The following DISC1 variants were observed in gnomAD, a reference collection of about 807,000 sequenced individuals.
The protein encoded by DISC1 is DISC1 scaffold protein.
A neutral mutation model predicts 84.5 loss-of-function variants in DISC1; 57 were observed. The ratio of observed to expected loss-of-function variants is 0.67; its 90% confidence interval spans 0.55 to 0.84. The LOEUF (loss-of-function observed/expected upper bound fraction) is 0.84. Among genes scored for constraint, DISC1 ranks in the 40% least tolerant of loss-of-function variants. The pLI is 0.00. For missense variants in DISC1, 1,000 were observed against 1,057.8 expected (o/e 0.95, Z 0.76); for synonymous variants, 411 against 415.2 (o/e 0.99, Z 0.12).
intron 11 of DISC1, among the ~76,000 whole-genome samples, chr1:232,019,824 C>T (rs563026222): frequency 2.0e-5 from 3 of 152,206 alleles, no homozygotes; most frequent in African/African-American, 7.2e-5. Flanking sequence ...GATGAGAGGT[C>T]CTGTGCCCAT....
chr1:231,844,501 A>G (rs1023831894), intron 9 of DISC1, among the ~76,000 whole-genome samples: 7 of 152,104 alleles, frequency 4.6e-5, no homozygotes, highest in Non-Finnish European at 1.0e-4. Context: ...GCTTGGTTTT[A>G]TACATTTTAG....
At chr1:231,853,226 G>A (rs2084022230) in intron 9 of DISC1, among the ~76,000 whole-genome samples, 1 of 152,160 alleles carries the variant, frequency 6.6e-6, no homozygotes, top group South Asian at 2.1e-4. Flanking sequence ...AATAATATTT[G>A]TAGAAACAAA....
chr1:231,985,375 C>T (rs1314251191), intron 10 of DISC1, among the ~76,000 whole-genome samples: 6 of 150,982 alleles, frequency 4.0e-5, no homozygotes, highest in Admixed American at 4.0e-4. Context: ...TAAAGTAGTA[C>T]CCCCTTCAGT....
intron 7 of DISC1, among the ~76,000 whole-genome samples, chr1:231,798,113 C>CCATACACACACACA (rs1553353424): frequency 6.8e-6 from 1 of 147,074 alleles, no homozygotes; most frequent in Non-Finnish European, 1.5e-5. Context: ...GTTAGACACA[C>CCATACACACACACA]CACACACACA....
chr1:231,642,029 C>T (rs992087729), intron 1 of DISC1, among the ~76,000 whole-genome samples: 2 of 152,156 alleles, frequency 1.3e-5, no homozygotes, highest in East Asian at 1.9e-4. Context: ...GCTCGGGCTG[C>T]ACAGGAGCCC....
At chr1:231,808,607 T>C (rs1015535998) in intron 8 of DISC1, among the ~76,000 whole-genome samples, 1 of 152,230 alleles carries the variant, frequency 6.6e-6, no homozygotes, top group African/African-American at 2.4e-5. Context: ...GGACATGGTA[T>C]TTACTGCGTG....
intron 1 of DISC1, among the ~76,000 whole-genome samples, chr1:231,688,019 G>A (rs55822449): frequency 6.6e-6 from 1 of 151,856 alleles, no homozygotes; most frequent in Non-Finnish European, 1.5e-5. Flanking sequence ...GGAAATGGTA[G>A]GGGAGGTCAA....
chr1:231,938,292 G>A (rs148321080), intron 9 of DISC1, among the ~76,000 whole-genome samples: 70 of 152,286 alleles, frequency 4.6e-4, no homozygotes, highest in Middle Eastern at 6.8e-3. Flanking sequence ...CGTACAAGTG[G>A]AAGACTTTCT....
intron 2 of DISC1, among the ~76,000 whole-genome samples, chr1:231,696,041 C>T (rs1026691844): frequency 3.3e-5 from 5 of 152,140 alleles, no homozygotes; most frequent in African/African-American, 7.2e-5. Context: ...CCCCGAAACC[C>T]GTTCTGAAGG....
At chr1:231,809,402 T>A (rs1460695911) in intron 8 of DISC1, among the ~76,000 whole-genome samples, 2 of 83,004 alleles carry the variant, frequency 2.4e-5, no homozygotes, top group Admixed American at 1.1e-4. Context: ...TTTGGATATA[T>A]TTTTTTTTTA....
At chr1:231,722,911 T>C (rs1374730096) in intron 3 of DISC1, 2 of 1,293,432 alleles carry the variant, frequency 1.5e-6, no homozygotes, top group East Asian at 7.0e-5. Context: ...GACAATTAGA[T>C]TTTTGTAGGG....
chr1:231,636,884 C>G (rs1027152776), intron 1 of DISC1, among the ~76,000 whole-genome samples: 1 of 152,118 alleles, frequency 6.6e-6, no homozygotes, highest in Non-Finnish European at 1.5e-5. Flanking sequence ...TTTGCTGCAC[C>G]TATCAACTTG....
At position 232,009,383 on chromosome 1, in the gene DISC1, C is replaced by T; in HGVS notation, c.2307+334C>T. The T allele has an allele frequency of 2.5e-6, 2 of 791,380 alleles. No individual in the cohort carries two copies. Among genetic ancestry groups the T allele is most frequent in the Non-Finnish European group, 3.1e-6 (2 of 639,970 alleles). 49.0% of individuals were successfully genotyped at this position (791,380 alleles called of 1,614,324 possible). A position where few individuals can be genotyped will look rare whatever the true frequency, so the allele number is the denominator to read the frequency against. On this transcript the variant is annotated intron_variant, in intron 11 of 12. Transcript: ENST00000439617. The surrounding 1 kb of genome is among the most constrained non-coding windows in gnomAD (Gnocchi z 4.6). Reference sequence around the variant, plus strand: ...ATATATAATATAGTTATTATATTCACTATAGATTATATATGCCATACATGA... The same window carrying T: ...ATATATAATATAGTTATTATATTCATTATAGATTATATATGCCATACATGA...
intron 9 of DISC1, among the ~76,000 whole-genome samples, chr1:231,834,263 T>G (rs954845534): frequency 6.6e-6 from 1 of 151,932 alleles, no homozygotes; most frequent in East Asian, 1.9e-4. Context: ...GAGGAAGAAT[T>G]TGGACCTAGC....
chr1:231,784,800 G>A (rs1309315433), intron 6 of DISC1, among the ~76,000 whole-genome samples: 1 of 152,186 alleles, frequency 6.6e-6, no homozygotes, highest in Admixed American at 6.5e-5. Context: ...GCCAAAGGTG[G>A]CAAGGATGGC....
intron 12 of DISC1, among the ~76,000 whole-genome samples, chr1:232,032,108 T>C (rs1670104818): frequency 6.6e-6 from 1 of 152,198 alleles, no homozygotes; most frequent in African/African-American, 2.4e-5. Flanking sequence ...AATGTTCCAA[T>C]GAGCATTTCC....
At chr1:231,764,521 C>T (rs1261781372) in intron 4 of DISC1, among the ~76,000 whole-genome samples, 1 of 151,934 alleles carries the variant, frequency 6.6e-6, no homozygotes, top group East Asian at 1.9e-4. Flanking sequence ...TACTTTTTGC[C>T]ATAAAACCTG....
intron 9 of DISC1, among the ~76,000 whole-genome samples, chr1:231,872,455 C>A (rs1475148): frequency 0.13 from 19,141 of 151,980 alleles, 1,342 homozygotes; most frequent in East Asian, 0.32. Context: ...CCTAAAAGAC[C>A]CCACAGTCTG....
chr1:231,640,040 A>G (rs937180939), intron 1 of DISC1, among the ~76,000 whole-genome samples: 1 of 152,258 alleles, frequency 6.6e-6, no homozygotes, highest in African/African-American at 2.4e-5. Context: ...ATCTGTGCAC[A>G]TGAGGTTCTG....
Sources: gnomAD v4.1 joint callset for allele counts (sites outside exome capture counted in the v4.1 genomes callset) on GRCh38, gnomAD v4.1.1 for gene constraint, Gnocchi (gnomAD v3.1) non-coding constraint, MANE v1.5 for transcripts, NCBI Gene and HGNC (gene_info 2026-07-23, HGNC 2026-07-21) for gene names.